Variants in PABPC4L observed in about 807,000 individuals in gnomAD.
PABPC4L encodes polyadenylate-binding protein 4-like.
For missense variants in PABPC4L, 452 were observed against 451.4 expected, an observed-to-expected ratio of 1.00 and a Z score of -0.01; for synonymous variants, 169 against 164.1, an observed-to-expected ratio of 1.03 and a Z score of -0.23.
chr4:133,970,889 C>G, the PABPC4L span, among the ~76,000 whole-genome samples: 1 of 152,096 alleles, frequency 6.6e-6, no homozygotes, highest in African/African-American at 2.4e-5. Flanking sequence ...CTGCCCAATA[C>G]CTTGTCCTGG....
chr4:133,956,961 T>A, the PABPC4L span, among the ~76,000 whole-genome samples: 2 of 152,130 alleles, frequency 1.3e-5, no homozygotes, highest in Non-Finnish European at 2.9e-5. Flanking sequence ...ACATGGGGAT[T>A]ATAGGAACTA....
the PABPC4L span, among the ~76,000 whole-genome samples, chr4:134,050,366 C>T: frequency 6.2e-4 from 94 of 152,104 alleles, 1 homozygote; most frequent in African/African-American, 2.1e-3. Flanking sequence ...ATCAAGTAAT[C>T]GCTGCCATAT....
At chr4:133,956,759 T>TA in the PABPC4L span, among the ~76,000 whole-genome samples, 1 of 152,170 alleles carries the variant, frequency 6.6e-6, no homozygotes, top group Non-Finnish European at 1.5e-5. Context: ...TCAGGAAACT[T>TA]ACAATCATGG....
the PABPC4L span, among the ~76,000 whole-genome samples, chr4:134,132,798 T>C: frequency 0.1 from 15,530 of 150,186 alleles, 868 homozygotes; most frequent in South Asian, 0.13. Flanking sequence ...TGCAAAAGTA[T>C]AGAACCAGCC....
At chr4:134,076,013 T>C in the PABPC4L span, among the ~76,000 whole-genome samples, 6 of 147,922 alleles carry the variant, frequency 4.1e-5, no homozygotes, top group Non-Finnish European at 7.5e-5. Flanking sequence ...TAATAGGAAC[T>C]GGAAAAAAAA....
downstream of PABPC4L, among the ~76,000 whole-genome samples, chr4:134,194,216 A>C (rs1560835619): frequency 6.6e-6 from 1 of 151,840 alleles, no homozygotes; most frequent in Admixed American, 6.6e-5. Context: ...GGGAAATGGG[A>C]GTACTGAGAG....
At chr4:134,161,089 T>A in the PABPC4L span, among the ~76,000 whole-genome samples, 1 of 151,820 alleles carries the variant, frequency 6.6e-6, no homozygotes, top group Non-Finnish European at 1.5e-5. Flanking sequence ...ACAAAGAGAT[T>A]GAAATATTTA....
chr4:134,080,308 A>G, the PABPC4L span, among the ~76,000 whole-genome samples: 1 of 152,136 alleles, frequency 6.6e-6, no homozygotes, highest in Non-Finnish European at 1.5e-5. Context: ...CACCTCTCAG[A>G]TATCACCTTA....
chr4:134,087,441 C>G, the PABPC4L span, among the ~76,000 whole-genome samples: 1 of 152,116 alleles, frequency 6.6e-6, no homozygotes. Flanking sequence ...AGTCCTATTG[C>G]AGGTCAAAAT....
At chr4:133,990,586 C>A in the PABPC4L span, among the ~76,000 whole-genome samples, 2 of 152,082 alleles carry the variant, frequency 1.3e-5, no homozygotes, top group African/African-American at 2.4e-5. Context: ...TGCTTAGCAC[C>A]ACCAATGAGA....
the PABPC4L span, among the ~76,000 whole-genome samples, chr4:134,017,288 C>T: frequency 3.9e-5 from 6 of 152,246 alleles, no homozygotes; most frequent in African/African-American, 1.4e-4. Context: ...GAATTCAGGC[C>T]TGTCCTCGGA....
chr4:133,971,684 G>C, the PABPC4L span, among the ~76,000 whole-genome samples: 1 of 152,114 alleles, frequency 6.6e-6, no homozygotes. Flanking sequence ...TCTGTCACTT[G>C]GTCTTTCTAT....
At chr4:134,086,375 C>A in the PABPC4L span, among the ~76,000 whole-genome samples, 1 of 152,088 alleles carries the variant, frequency 6.6e-6, no homozygotes, top group Non-Finnish European at 1.5e-5. Flanking sequence ...AAAGGCAGCA[C>A]TTTGGTTAAA....
At chr4:134,067,456 T>C in the PABPC4L span, among the ~76,000 whole-genome samples, 1 of 152,148 alleles carries the variant, frequency 6.6e-6, no homozygotes, top group Non-Finnish European at 1.5e-5. Context: ...CTACCTGTCT[T>C]ATGTATTCTT....
chr4:134,140,312 A>G, the PABPC4L span, among the ~76,000 whole-genome samples: 1 of 151,800 alleles, frequency 6.6e-6, no homozygotes, highest in Non-Finnish European at 1.5e-5. Flanking sequence ...ATATATACAT[A>G]TATCAAAACA....
chr4:134,014,160 C>T, the PABPC4L span, among the ~76,000 whole-genome samples: 1 of 152,092 alleles, frequency 6.6e-6, no homozygotes, highest in African/African-American at 2.4e-5. Flanking sequence ...CCGTCTTATT[C>T]TCAATATACA....
the PABPC4L span, among the ~76,000 whole-genome samples, chr4:134,144,614 T>C: frequency 2.0e-5 from 3 of 151,322 alleles, no homozygotes; most frequent in African/African-American, 7.3e-5. Context: ...TCTTTTTATA[T>C]GAAAGAAATG....
chr4:134,129,272 C>T, the PABPC4L span, among the ~76,000 whole-genome samples: 1 of 152,046 alleles, frequency 6.6e-6, no homozygotes, highest in African/African-American at 2.4e-5. Context: ...GTCATCAAGA[C>T]AGAAAGTCAA....
the PABPC4L span, among the ~76,000 whole-genome samples, chr4:134,039,056 AT>A: frequency 6.6e-6 from 1 of 152,102 alleles, no homozygotes. Flanking sequence ...GAATATCTTT[AT>A]TTCTGCCTTC....
Sources: gnomAD v4.1 joint callset for allele counts (sites outside exome capture counted in the v4.1 genomes callset) on GRCh38, gnomAD v4.1.1 for gene constraint, MANE v1.5 for transcripts, NCBI Gene and HGNC (gene_info 2026-07-23, HGNC 2026-07-21) for gene names.